IMPG2: variants seen among roughly 807,000 people sequenced by gnomAD.
IMPG2 encodes the protein IPM 200.
IMPG2 carries 91 observed loss-of-function variants against 129.2 expected under a neutral mutation model. The observed-to-expected ratio is 0.70, with a 90% CI of 0.59 to 0.84. IMPG2 has a LOEUF of 0.84. Ranked by LOEUF, IMPG2 falls within the 40% of genes least tolerant of loss-of-function variation. The probability of loss-of-function intolerance (pLI) is 0.00; values close to 1 mark genes in which losing one functional copy is unlikely to be tolerated. For missense variants in IMPG2, 1,430 were observed against 1,461.7 expected, an observed-to-expected ratio of 0.98 and a Z score of 0.35; for synonymous variants, 510 against 517.7, an observed-to-expected ratio of 0.99 and a Z score of 0.20.
intron 2 of IMPG2, among the ~76,000 whole-genome samples, chr3:101,306,439 T>G (rs1707190147): frequency 1.3e-5 from 2 of 152,184 alleles, no homozygotes; most frequent in African/African-American, 4.8e-5. Context: ...TTATTGTTAT[T>G]AAGAACTTCT....
Position 101,271,993 on chromosome 3 carries a change from A to G in IMPG2, c.828+1588T>C, listed in dbSNP as rs35298494. On this transcript the variant is annotated intron_variant, in intron 7 of 18. Transcript: ENST00000193391. The stretch of plus-strand genomic sequence containing the variant: ...TCACACCGACACTGGAACTGCCCTC[A>G]GGCACCAACCCTCCCAGGCCCATCA... Among the ~76,000 whole-genome samples, 381 of 152,254 alleles carry G rather than the reference A, an allele frequency of 2.5e-3. 1 individual carries two copies. The highest frequency in any genetic ancestry group is 3.9e-3 in the Non-Finnish European group (267 of 68,008).
intron 3 of IMPG2, among the ~76,000 whole-genome samples, chr3:101,294,763 C>T (rs1707060353): frequency 1.3e-5 from 2 of 152,110 alleles, no homozygotes; most frequent in African/African-American, 2.4e-5. Context: ...AATTGTTTCT[C>T]GACTTCTTAA....
chr3:101,282,348 C>T (rs1706901576), intron 4 of IMPG2, among the ~76,000 whole-genome samples: 1 of 152,152 alleles, frequency 6.6e-6, no homozygotes, highest in South Asian at 2.1e-4. Flanking sequence ...TTCAGCATCT[C>T]CCACAGTCGG....
At chr3:101,265,476 G>A (rs1440904912) in intron 9 of IMPG2, among the ~76,000 whole-genome samples, 1 of 152,002 alleles carries the variant, frequency 6.6e-6, no homozygotes, top group East Asian at 1.9e-4. Context: ...AATGGTGCTG[G>A]GAAAACTGGA....
intron 8 of IMPG2, among the ~76,000 whole-genome samples, chr3:101,268,136 G>T (rs150989069): frequency 1.9e-3 from 289 of 152,314 alleles, no homozygotes; most frequent in African/African-American, 6.7e-3. Context: ...ATAAGTTGCT[G>T]ATGGCATTTC....
At chr3:101,261,925 ATCATCTT>A (rs1190470384) in intron 9 of IMPG2, among the ~76,000 whole-genome samples, 3 of 152,130 alleles carry the variant, frequency 2.0e-5, no homozygotes, top group African/African-American at 7.2e-5. Context: ...CCACTGGATC[ATCATCTT>A]TCATCTTTTG....
chr3:101,317,601 T>G (rs984595881), intron 2 of IMPG2, among the ~76,000 whole-genome samples: 4 of 152,198 alleles, frequency 2.6e-5, no homozygotes, highest in African/African-American at 4.8e-5. Flanking sequence ...TTTCTGTCAA[T>G]TTTTAAAAAC....
intron 2 of IMPG2, among the ~76,000 whole-genome samples, chr3:101,306,285 G>A (rs1400163179): frequency 6.6e-6 from 1 of 152,174 alleles, no homozygotes; most frequent in Non-Finnish European, 1.5e-5. Context: ...GAAGAAGATA[G>A]TCTAAGCCAA....
At chr3:101,274,233 A>G (rs146168191) in intron 6 of IMPG2, among the ~76,000 whole-genome samples, 29 of 152,164 alleles carry the variant, frequency 1.9e-4, no homozygotes, top group African/African-American at 6.0e-4. Flanking sequence ...AATAGTAAAC[A>G]TCTGGGTAAA....
chr3:101,241,168 T>C (rs1374019366), intron 14 of IMPG2, among the ~76,000 whole-genome samples: 1 of 152,184 alleles, frequency 6.6e-6, no homozygotes, highest in Admixed American at 6.5e-5. Flanking sequence ...TAAGCAACTA[T>C]GCACATAAAT....
chr3:101,282,452 T>C (rs1706902420), intron 4 of IMPG2, among the ~76,000 whole-genome samples: 1 of 152,210 alleles, frequency 6.6e-6, no homozygotes, highest in African/African-American at 2.4e-5. Context: ...TAGTTATGTA[T>C]TGTTATTTCT....
chr3:101,232,940 C>T lies in IMPG2; in HGVS notation c.3074G>A (p.Cys1025Tyr). The T allele has an allele frequency of 6.2e-7, 1 of 1,614,034 alleles. No individual in the cohort carries two copies. Among genetic ancestry groups the T allele is most frequent in the Non-Finnish European group, 8.5e-7 (1 of 1,180,004 alleles). The change falls in exon 15 of 19, where the codon TGT becomes TAT. Residue 1025 changes from cysteine (C) to tyrosine (Y), a missense_variant. Transcript: ENST00000193391. ...KFQACNEFSECLVNPWSGEAK... is the reference protein window; with the variant it reads ...KFQACNEFSEYLVNPWSGEAK... ...TTCTCCACTCCAGGGGTTGACCAGA[C>T]ACTCTGAAAATTCATTACAGGCCTG... is the stretch of plus-strand genomic sequence containing the variant.
intron 14 of IMPG2, among the ~76,000 whole-genome samples, chr3:101,240,515 A>ATT (rs1264206156): frequency 6.6e-6 from 1 of 152,180 alleles, no homozygotes; most frequent in African/African-American, 2.4e-5. Context: ...TTTTATATAT[A>ATT]CTACTTGTTT....
chr3:101,267,575 T>A, intron 8 of IMPG2, 44 bp from the exon 9 acceptor site: 2 of 1,490,308 alleles, frequency 1.3e-6, no homozygotes, highest in Non-Finnish European at 1.9e-6. Context: ...TTGAGACAGT[T>A]ATTATTGTCA....
chr3:101,245,750 C>T, intron 12 of IMPG2, 52 bp downstream of exon 12: 1 of 1,515,534 alleles, frequency 6.6e-7, no homozygotes, highest in Non-Finnish European at 9.2e-7. Context: ...CTCTTTAAAA[C>T]CCCTGTCATC....
At chr3:101,316,728 G>A (rs951753957) in intron 2 of IMPG2, among the ~76,000 whole-genome samples, 3 of 151,986 alleles carry the variant, frequency 2.0e-5, no homozygotes, top group African/African-American at 7.2e-5. Flanking sequence ...TGACCCAGAC[G>A]TTCCACTATT....
chr3:101,312,806 A>T (rs1244582830), intron 2 of IMPG2, among the ~76,000 whole-genome samples: 2 of 152,194 alleles, frequency 1.3e-5, no homozygotes, highest in African/African-American at 2.4e-5. Flanking sequence ...TGAAAATAAT[A>T]TGCAAAGTGA....
chr3:101,279,402 A>G (rs546813736), intron 4 of IMPG2, among the ~76,000 whole-genome samples: 1 of 152,294 alleles, frequency 6.6e-6, no homozygotes, highest in South Asian at 2.1e-4. Flanking sequence ...CAGAAACCTC[A>G]TTCTTACTCA....
At chr3:101,312,933 G>A (rs749016189) in intron 2 of IMPG2, among the ~76,000 whole-genome samples, 3 of 152,056 alleles carry the variant, frequency 2.0e-5, no homozygotes, top group Non-Finnish European at 4.4e-5. Context: ...TGGGAAGAGG[G>A]GGAAGGGAGA....
Sources: allele counts gnomAD v4.1 joint callset (sites outside exome capture counted in the v4.1 genomes callset), GRCh38; gene constraint gnomAD v4.1.1; transcripts MANE v1.5; gene names NCBI Gene and HGNC (gene_info 2026-07-23, HGNC 2026-07-21).